Variants in SLC67A1 observed in about 807,000 individuals in gnomAD.
The protein encoded by SLC67A1 is solute carrier family 67 member A1.
At chr11:2,908,403 C>T in the SLC67A1 span, 7 of 1,180,550 alleles carry the variant, frequency 5.9e-6, no homozygotes, top group South Asian at 2.9e-5. Flanking sequence ...TGGGCTCAGA[C>T]GGGCCAGGTT....
At chr11:2,912,708 G>A in the SLC67A1 span, among the ~76,000 whole-genome samples, 3 of 152,362 alleles carry the variant, frequency 2.0e-5, no homozygotes, top group African/African-American at 7.2e-5. Flanking sequence ...GGCCTGAGGA[G>A]GGACCCGGGA....
At chr11:2,909,856 C>A in the SLC67A1 span, 1 of 920,504 alleles carries the variant, frequency 1.1e-6, no homozygotes, top group Non-Finnish European at 1.5e-6. Context: ...GACGTCTGGC[C>A]CCGCGCGAGG....
At chr11:2,900,166 G>A in the SLC67A1 span, among the ~76,000 whole-genome samples, 3 of 152,176 alleles carry the variant, frequency 2.0e-5, no homozygotes, top group Non-Finnish European at 2.9e-5. Flanking sequence ...TCCCCAGGGC[G>A]GCCAGTGGTG....
the SLC67A1 span, chr11:2,903,420 C>T: frequency 1.1e-5 from 17 of 1,613,188 alleles, no homozygotes; most frequent in Non-Finnish European, 1.4e-5. Flanking sequence ...GGTCCTCGGT[C>T]ATCTTGCTTA....
chr11:2,922,041 G>A, the SLC67A1 span: 15 of 1,299,644 alleles, frequency 1.2e-5, no homozygotes, highest in East Asian at 3.5e-4. Flanking sequence ...GCTGGCCACA[G>A]TCCAGACGCC....
At chr11:2,902,885 C>T in the SLC67A1 span, among the ~76,000 whole-genome samples, 1 of 152,210 alleles carries the variant, frequency 6.6e-6, no homozygotes, top group African/African-American at 2.4e-5. Flanking sequence ...TACGGAGGGC[C>T]TCCAGGCACA....
At chr11:2,913,445 G>C in the SLC67A1 span, among the ~76,000 whole-genome samples, 1 of 152,200 alleles carries the variant, frequency 6.6e-6, no homozygotes, top group Non-Finnish European at 1.5e-5. Flanking sequence ...GGAGGGCTAT[G>C]TGTTTGGGGA....
chr11:2,908,781 G>C, the SLC67A1 span, among the ~76,000 whole-genome samples: 1 of 152,180 alleles, frequency 6.6e-6, no homozygotes, highest in East Asian at 1.9e-4. Context: ...CAGAAATGAA[G>C]GGTTCCGCAG....
the SLC67A1 span, among the ~76,000 whole-genome samples, chr11:2,907,126 G>T: frequency 6.6e-6 from 1 of 151,626 alleles, no homozygotes; most frequent in African/African-American, 2.4e-5. The surrounding 1 kb of genome is among the most constrained non-coding windows in gnomAD (Gnocchi z 6.7). Flanking sequence ...GGACTGAAGT[G>T]CTCTGGGGAG....
At chr11:2,922,077 T>A in the SLC67A1 span, 1 of 1,584,814 alleles carries the variant, frequency 6.3e-7, no homozygotes, top group Non-Finnish European at 8.7e-7. Context: ...CCATACCCAC[T>A]TCTACCCTCT....
chr11:2,924,293 G>T, the SLC67A1 span, among the ~76,000 whole-genome samples: 16 of 152,326 alleles, frequency 1.1e-4, no homozygotes. The surrounding 1 kb of genome is among the most constrained non-coding windows in gnomAD (Gnocchi z 8.6). Context: ...GACAGGAGGG[G>T]CAGGTGGAGG....
the SLC67A1 span, chr11:2,909,147 G>C: frequency 1.4e-6 from 2 of 1,439,524 alleles, no homozygotes; most frequent in South Asian, 1.4e-5. Flanking sequence ...CGGGGGGAAG[G>C]GGACACTGAC....
At chr11:2,908,900 G>A in the SLC67A1 span, among the ~76,000 whole-genome samples, 2 of 152,196 alleles carry the variant, frequency 1.3e-5, no homozygotes, top group Non-Finnish European at 2.9e-5. Context: ...TGTAAAACGC[G>A]GGCCCACCCT....
At chr11:2,900,025 G>A in the SLC67A1 span, among the ~76,000 whole-genome samples, 1 of 152,210 alleles carries the variant, frequency 6.6e-6, no homozygotes, top group East Asian at 1.9e-4. Context: ...CCTCCCCCAG[G>A]AGTCCCAAAT....
the SLC67A1 span, among the ~76,000 whole-genome samples, chr11:2,918,576 C>G: frequency 6.6e-6 from 1 of 152,356 alleles, no homozygotes; most frequent in Non-Finnish European, 1.5e-5. Flanking sequence ...ACTGAGAAGC[C>G]AGGAAGCAGG....
the SLC67A1 span, chr11:2,908,096 C>A: frequency 1.6e-6 from 1 of 613,312 alleles, no homozygotes; most frequent in Non-Finnish European, 2.9e-6. Flanking sequence ...TGGGAAGGGC[C>A]CCTCGATGGT....
At chr11:2,909,193 C>A in the SLC67A1 span, 1 of 1,515,090 alleles carries the variant, frequency 6.6e-7, no homozygotes, top group East Asian at 2.5e-5. Flanking sequence ...CCTCGGCCCC[C>A]AGGTTCGCAG....
chr11:2,921,441 C>G, the SLC67A1 span: 1 of 153,634 alleles, frequency 6.5e-6, no homozygotes. Flanking sequence ...CTCCTCCAGC[C>G]GGGGCCACCC....
the SLC67A1 span, chr11:2,903,280 T>A: frequency 6.3e-6 from 10 of 1,579,238 alleles, no homozygotes; most frequent in African/African-American, 8.1e-5. Flanking sequence ...AACTGGACTT[T>A]TGCCCCCTGC....
Sources: gnomAD v4.1 joint callset for allele counts (sites outside exome capture counted in the v4.1 genomes callset) on GRCh38, gnomAD v4.1.1 for gene constraint, Gnocchi (gnomAD v3.1) non-coding constraint, MANE v1.5 for transcripts, NCBI Gene and HGNC (gene_info 2026-07-23, HGNC 2026-07-21) for gene names.